The following CLSTN2 variants were observed in gnomAD, a reference collection of about 807,000 sequenced individuals.
The protein encoded by CLSTN2 is calsyntenin 2.
In CLSTN2, 48 loss-of-function variants were observed where a neutral mutation model predicts 101.2. That is an observed-to-expected ratio of 0.47 (90% CI 0.38 to 0.60). The LOEUF is 0.60. Among genes scored for constraint, CLSTN2 ranks in the 20% least tolerant of loss-of-function variants. The pLI, the probability that CLSTN2 is intolerant of heterozygous loss-of-function variation, is 0.00. For missense variants in CLSTN2, 1,160 were observed against 1,238.2 expected (o/e 0.94, Z 0.95); for synonymous variants, 481 against 463.6 (o/e 1.04, Z -0.48).
intron 5 of CLSTN2, among the ~76,000 whole-genome samples, chr3:140,438,293 A>G (rs2088708677): frequency 6.6e-6 from 1 of 151,834 alleles, no homozygotes; most frequent in Non-Finnish European, 1.5e-5. Context: ...AATAGAGGGT[A>G]TCAGTGTATT....
Position 140,466,647 on chromosome 3 carries a change from C to T in CLSTN2, c.1260C>T (p.Asn420=). ...ATCACTATGCCCTGTATGTGCACAA[C>T]TGCCGCCTCGTCTTTCTCTTGCGGA... ...NRHHYALYVH[N]CRLVFLLRKD... The change falls in exon 8 of 17, where the codon AAC becomes AAT. Residue 420 remains asparagine (N), a synonymous_variant. Transcript: ENST00000458420. 1 of 1,614,216 alleles carries T rather than the reference C, an allele frequency of 6.2e-7. No homozygotes were observed. The highest frequency in any genetic ancestry group is 8.5e-7 in the Non-Finnish European group (1 of 1,180,016).
intron 8 of CLSTN2, among the ~76,000 whole-genome samples, chr3:140,483,406 A>G (rs1329580711): frequency 1.3e-5 from 2 of 152,028 alleles, no homozygotes; most frequent in African/African-American, 2.4e-5. Context: ...GTGCTGAAAA[A>G]AATGTATATT....
intron 1 of CLSTN2, among the ~76,000 whole-genome samples, chr3:140,172,122 G>A (rs2010247370): frequency 6.7e-6 from 1 of 149,984 alleles, no homozygotes; most frequent in Non-Finnish European, 1.5e-5. Flanking sequence ...ATTAGGGTGT[G>A]AAGTTTGGCA....
intron 2 of CLSTN2, among the ~76,000 whole-genome samples, chr3:140,311,269 C>G (rs906905330): frequency 7.5e-6 from 1 of 133,276 alleles, no homozygotes; most frequent in Non-Finnish European, 1.5e-5. Flanking sequence ...ATAATAATAA[C>G]AGCTAAGGTT....
At chr3:140,467,487 A>G (rs1222192515) in intron 8 of CLSTN2, among the ~76,000 whole-genome samples, 1 of 152,184 alleles carries the variant, frequency 6.6e-6, no homozygotes, top group Non-Finnish European at 1.5e-5. Context: ...AAGAGAAAGA[A>G]TGCCAGCAGT....
At position 140,490,104 on chromosome 3, in the gene CLSTN2, A is replaced by G. The variant is rs1576595623; in HGVS notation, c.1344+23373A>G. Reference sequence around the variant, plus strand: ...TGTGTGTGTGTATATATATATATATATATATATATATATACACACACACAC... The same window carrying G: ...TGTGTGTGTGTATATATATATATATGTATATATATATATACACACACACAC... On this transcript the variant is annotated intron_variant, in intron 8 of 16. Coordinates refer to ENST00000458420, the MANE Select transcript of CLSTN2 (RefSeq NM_022131.3). Among the ~76,000 whole-genome samples, 5 of 11,668 alleles carry G rather than the reference A, an allele frequency of 4.3e-4. 1 individual carries two copies. The highest frequency in any genetic ancestry group is 2.6e-3 in the African/African-American group (5 of 1,912). 7.7% of individuals were successfully genotyped at this position (11,668 alleles called of 152,430 possible).
At chr3:140,342,215 C>T (rs891285683) in intron 2 of CLSTN2, among the ~76,000 whole-genome samples, 3 of 152,122 alleles carry the variant, frequency 2.0e-5, no homozygotes, top group Non-Finnish European at 4.4e-5. Flanking sequence ...TATTTGTTAT[C>T]CAGGGACCGT....
chr3:140,396,119 A>T (rs2088179622), intron 2 of CLSTN2, among the ~76,000 whole-genome samples: 1 of 152,158 alleles, frequency 6.6e-6, no homozygotes, highest in Non-Finnish European at 1.5e-5. Context: ...GATATTTAGC[A>T]CCTTGACTCT....
chr3:140,123,926 T>G (rs1016230648), intron 1 of CLSTN2, among the ~76,000 whole-genome samples: 1 of 151,992 alleles, frequency 6.6e-6, no homozygotes, highest in Non-Finnish European at 1.5e-5. Flanking sequence ...ATAACTTCAT[T>G]TAACCTTAAT....
At chr3:140,561,988 A>G in intron 12 of CLSTN2, 150 bp from the exon 13 acceptor site, 2 of 619,590 alleles carry the variant, frequency 3.2e-6, no homozygotes, top group South Asian at 4.2e-5. Context: ...TGGACATCTG[A>G]GCGGTGGATG....
At chr3:140,301,245 C>G (rs781555252) in intron 2 of CLSTN2, among the ~76,000 whole-genome samples, 1 of 152,152 alleles carries the variant, frequency 6.6e-6, no homozygotes, top group Non-Finnish European at 1.5e-5. Flanking sequence ...AGTGTTATAG[C>G]TATCAATACT....
chr3:140,462,770 C>T (rs941446969), intron 7 of CLSTN2: 2 of 152,270 alleles, frequency 1.3e-5, no homozygotes, highest in African/African-American at 2.4e-5. Context: ...GGTAGGCAAG[C>T]TCTACTTTGC....
At chr3:139,942,047 A>G (rs1454464358) in intron 1 of CLSTN2, among the ~76,000 whole-genome samples, 1 of 152,186 alleles carries the variant, frequency 6.6e-6, no homozygotes, top group Non-Finnish European at 1.5e-5. Flanking sequence ...ATACACTGGT[A>G]GGCATGGGTT....
At chr3:140,250,108 G>A (rs1045032978) in intron 2 of CLSTN2, among the ~76,000 whole-genome samples, 1 of 152,148 alleles carries the variant, frequency 6.6e-6, no homozygotes, top group Non-Finnish European at 1.5e-5. Context: ...GTTTTTTGGA[G>A]GGATAAAGCC....
intron 2 of CLSTN2, among the ~76,000 whole-genome samples, chr3:140,211,936 T>G (rs2010860862): frequency 6.6e-6 from 1 of 152,208 alleles, no homozygotes; most frequent in South Asian, 2.1e-4. Context: ...TGTTTAATCT[T>G]CAATTCTCAG....
At chr3:140,398,528 C>A (rs181889783) in intron 2 of CLSTN2, among the ~76,000 whole-genome samples, 1 of 152,060 alleles carries the variant, frequency 6.6e-6, no homozygotes, top group Non-Finnish European at 1.5e-5. Context: ...CTTTTTGAAC[C>A]CTTACAAAGT....
At chr3:140,205,735 G>GC (rs1160195292) in intron 2 of CLSTN2, among the ~76,000 whole-genome samples, 13 of 151,606 alleles carry the variant, frequency 8.6e-5, no homozygotes, top group Admixed American at 8.6e-4. Flanking sequence ...TGATGATTGA[G>GC]CCCCTACTGT....
intron 1 of CLSTN2, among the ~76,000 whole-genome samples, chr3:140,046,134 T>C (rs2007875322): frequency 6.6e-6 from 1 of 152,174 alleles, no homozygotes; most frequent in Non-Finnish European, 1.5e-5. Flanking sequence ...CCCATTATTA[T>C]TGTGTGGGAG....
At chr3:140,129,896 C>T (rs962479616) in intron 1 of CLSTN2, among the ~76,000 whole-genome samples, 3 of 152,176 alleles carry the variant, frequency 2.0e-5, no homozygotes, top group African/African-American at 4.8e-5. Context: ...GACCACTCTC[C>T]AATCCCACTC....
Sources: allele counts gnomAD v4.1 joint callset (sites outside exome capture counted in the v4.1 genomes callset), GRCh38; gene constraint gnomAD v4.1.1; transcripts MANE v1.5; gene names NCBI Gene and HGNC (gene_info 2026-07-23, HGNC 2026-07-21).